Variants in PCDHA10 observed in about 807,000 individuals in gnomAD.
PCDHA10 encodes protocadherin alpha 10.
PCDHA10 carries 45 observed loss-of-function variants against 61.2 expected under a neutral mutation model. That is an observed-to-expected ratio of 0.74 (90% CI 0.58 to 0.94). PCDHA10 has a LOEUF of 0.94. Among genes scored for constraint, PCDHA10 ranks in the 40% least tolerant of loss-of-function variants. PCDHA10 has a pLI of 0.00. For missense variants in PCDHA10, 1,278 were observed against 1,236.2 expected (o/e 1.03, Z -0.51); for synonymous variants, 602 against 548.8 (o/e 1.10, Z -1.35).
intron 3 of PCDHA10, among the ~76,000 whole-genome samples, chr5:140,999,505 A>T (rs1221080631): frequency 1.3e-5 from 2 of 152,134 alleles, no homozygotes; most frequent in African/African-American, 4.8e-5. Context: ...AAGAACCTAC[A>T]TTTTAAGCAT....
chr5:140,940,076 T>C (rs1469877434), intron 1 of PCDHA10, among the ~76,000 whole-genome samples: 2 of 152,230 alleles, frequency 1.3e-5, no homozygotes, highest in Non-Finnish European at 2.9e-5. Flanking sequence ...ATGTGATATC[T>C]TTCTGCTAAA....
At chr5:140,965,037 C>T (rs1260839947) in intron 1 of PCDHA10, among the ~76,000 whole-genome samples, 1 of 152,142 alleles carries the variant, frequency 6.6e-6, no homozygotes, top group African/African-American at 2.4e-5. Context: ...TAACTGTCCG[C>T]TCTAGGAGGG....
chr5:140,899,909 G>A (rs1401600020), intron 1 of PCDHA10, among the ~76,000 whole-genome samples: 1 of 152,134 alleles, frequency 6.6e-6, no homozygotes, highest in Non-Finnish European at 1.5e-5. Flanking sequence ...CTGGGCTCAA[G>A]CAATCCTCCT....
At chr5:140,966,751 G>A (rs1554228608) in intron 1 of PCDHA10, 1 of 1,429,674 alleles carries the variant, frequency 7.0e-7, no homozygotes, top group Admixed American at 2.7e-5. Flanking sequence ...GGCTGCCTCC[G>A]CCGCGGCCAG....
chr5:140,876,554 A>G (rs2056417075), intron 1 of PCDHA10: 1 of 1,614,052 alleles, frequency 6.2e-7, no homozygotes, highest in South Asian at 1.1e-5. Flanking sequence ...CCTGTGCAAG[A>G]GGATGCTCAG....
At chr5:140,892,207 A>C (rs1562863208) in intron 1 of PCDHA10, among the ~76,000 whole-genome samples, 1 of 152,110 alleles carries the variant, frequency 6.6e-6, no homozygotes, top group African/African-American at 2.4e-5. Context: ...TGTGTTTTAA[A>C]ATTGTATCTT....
intron 1 of PCDHA10, among the ~76,000 whole-genome samples, chr5:140,892,933 T>C (rs1323780846): frequency 6.6e-6 from 1 of 152,210 alleles, no homozygotes; most frequent in Non-Finnish European, 1.5e-5. Context: ...CAGCCTCTGA[T>C]AAGCACAATA....
At chr5:140,886,403 AT>A (rs1196342524) in intron 1 of PCDHA10, among the ~76,000 whole-genome samples, 19 of 152,184 alleles carry the variant, frequency 1.2e-4, no homozygotes, top group African/African-American at 4.6e-4. Context: ...CATCACAAAT[AT>A]GTTTTCCTCC....
intron 1 of PCDHA10, among the ~76,000 whole-genome samples, chr5:140,943,453 G>T (rs545980639): frequency 3.3e-4 from 50 of 152,158 alleles, no homozygotes; most frequent in Admixed American, 2.6e-4. Context: ...GAATTGATAA[G>T]GCTAAATGTG....
chr5:140,968,966 T>C (rs781901506), intron 1 of PCDHA10: 1 of 1,614,216 alleles, frequency 6.2e-7, no homozygotes, highest in East Asian at 2.2e-5. Context: ...GTGCTACCGC[T>C]ACACTGCGTA....
intron 1 of PCDHA10, chr5:140,871,061 A>G (rs2052667671): frequency 6.2e-7 from 1 of 1,613,082 alleles, no homozygotes; most frequent in African/African-American, 1.3e-5. Flanking sequence ...GTGAAGGATC[A>G]CGGTGAGCCG....
chr5:140,985,163 T>G (rs1045171380), intron 3 of PCDHA10, among the ~76,000 whole-genome samples: 7 of 152,096 alleles, frequency 4.6e-5, no homozygotes, highest in South Asian at 2.1e-4. Flanking sequence ...TGTCTCAATC[T>G]CCTGACCTCG....
chr5:140,855,929 A>T lies in PCDHA10; in HGVS notation c.-120A>T, dbSNP rs914508327. On this transcript the variant is annotated 5_prime_UTR_variant, in exon 1 of 4. Transcript: ENST00000307360. ...TTCTCAAGGACTAGGAAGTAGCGTC[A>T]TTCTGAGATCTCAGCCATTTCGATA... 1.6e-6 allele frequency: 2 copies of T among 1,278,216 alleles called. No individual in the cohort carries two copies. The highest frequency in any genetic ancestry group is 2.2e-6 in the Non-Finnish European group (2 of 924,134). The allele number at this position is 1,278,216 out of a possible 1,614,324, so 79.2% of individuals were successfully genotyped here. A position where few individuals can be genotyped will look rare whatever the true frequency, so the allele number is the denominator to read the frequency against.
chr5:140,868,027 G>T (rs2050246308), intron 1 of PCDHA10: 1 of 151,988 alleles, frequency 6.6e-6, no homozygotes, highest in African/African-American at 2.4e-5. Context: ...AACCAATGTT[G>T]GTGACTTGGA....
intron 3 of PCDHA10, among the ~76,000 whole-genome samples, chr5:141,002,004 A>G (rs1386748835): frequency 2.0e-5 from 3 of 152,210 alleles, no homozygotes; most frequent in Non-Finnish European, 4.4e-5. Context: ...TTGCAAACAC[A>G]GAATCTGCAC....
intron 1 of PCDHA10, chr5:140,876,487 G>A (rs782413739): frequency 4.3e-6 from 7 of 1,613,904 alleles, no homozygotes; most frequent in Non-Finnish European, 5.9e-6. Flanking sequence ...GGTCCTGGTG[G>A]AAGTTCTGGA....
Position 140,892,511 on chromosome 5 carries a change from C to T in PCDHA10, c.2388+34075C>T, listed in dbSNP as rs115588708. Among the ~76,000 whole-genome samples the T allele has an allele frequency of 8.0e-3, 1,214 of 152,282 alleles. 6 individuals carry two copies. Among genetic ancestry groups the T allele is most frequent in the African/African-American group, 0.019 (784 of 41,558 alleles). On this transcript the variant is annotated intron_variant, in intron 1 of 3. Coordinates refer to ENST00000307360, the MANE Select transcript of PCDHA10 (RefSeq NM_018901.4). ...TGAGAGATTGTTTAAGAAGTTCCAC[C>T]ATGACTGGTAGACTCAGGATTCTGA...
At chr5:140,875,830 G>T in intron 1 of PCDHA10, 1 of 1,614,226 alleles carries the variant, frequency 6.2e-7, no homozygotes, top group South Asian at 1.1e-5. Context: ...TTTCCATGTG[G>T]ACGTGGAGGT....
intron 1 of PCDHA10, among the ~76,000 whole-genome samples, chr5:140,922,238 T>C (rs1554200737): frequency 6.6e-6 from 1 of 152,210 alleles, no homozygotes; most frequent in East Asian, 1.9e-4. Context: ...CCATGATGTG[T>C]ATGAAGATAA....
Sources: gnomAD v4.1 joint callset for allele counts (sites outside exome capture counted in the v4.1 genomes callset) on GRCh38, gnomAD v4.1.1 for gene constraint, MANE v1.5 for transcripts, NCBI Gene and HGNC (gene_info 2026-07-23, HGNC 2026-07-21) for gene names.